The following COPS2 variants were observed in gnomAD, a reference collection of about 807,000 sequenced individuals.
The protein encoded by COPS2 is COP9 signalosome complex subunit 2.
Under a neutral mutation model 66.1 loss-of-function variants are expected in COPS2, and 10 were observed. The observed-to-expected ratio is 0.15, with a 90% CI of 0.09 to 0.26. COPS2 has a LOEUF of 0.26. COPS2 is among the 10% of genes least tolerant of loss of function. The pLI is 1.00. For synonymous variants in COPS2, 179 were observed against 171.3 expected (o/e 1.04, Z -0.35); for missense variants, 215 against 513.3 (o/e 0.42, Z 5.62).
intron 10 of COPS2, among the ~76,000 whole-genome samples, chr15:49,129,922 C>T (rs1161447600): frequency 6.6e-6 from 1 of 152,130 alleles, no homozygotes; most frequent in Non-Finnish European, 1.5e-5. Context: ...ACCTAGAGTA[C>T]TATATTTTAT....
Sources: gnomAD v4.1 joint callset for allele counts (sites outside exome capture counted in the v4.1 genomes callset) on GRCh38, gnomAD v4.1.1 for gene constraint, MANE v1.5 for transcripts, NCBI Gene and HGNC (gene_info 2026-07-23, HGNC 2026-07-21) for gene names.